CFAP43: variants seen among roughly 807,000 people sequenced by gnomAD.
The protein encoded by CFAP43 is cilia and flagella associated protein 43.
In CFAP43, 155 loss-of-function variants were observed where a neutral mutation model predicts 218.9. The observed-to-expected ratio is 0.71, with a 90% CI of 0.62 to 0.81. CFAP43 has a LOEUF of 0.81. Among genes scored for constraint, CFAP43 ranks in the 30% least tolerant of loss-of-function variants. The probability of loss-of-function intolerance (pLI) is 0.00; values close to 1 mark genes in which losing one functional copy is unlikely to be tolerated. For synonymous variants in CFAP43, 645 were observed against 681.3 expected (o/e 0.95, Z 0.83); for missense variants, 1,778 against 1,954.3 (o/e 0.91, Z 1.70).
intron 35 of CFAP43, chr10:104,132,475 G>A (rs977289020): frequency 2.8e-5 from 7 of 247,542 alleles, no homozygotes; most frequent in African/African-American, 1.4e-4. Context: ...TTAGTTGGGC[G>A]TGGTGGCACA....
chr10:104,133,827 A>T (rs377653574), intron 34 of CFAP43, 43 bp from the exon 35 acceptor site: 55 of 1,480,882 alleles, frequency 3.7e-5, no homozygotes, highest in Non-Finnish European at 4.7e-5. Context: ...ATGATTCTGC[A>T]TATAGAACAT....
intron 34 of CFAP43, among the ~76,000 whole-genome samples, chr10:104,136,258 C>CAAAAAAAAAAAAAAAAAAAAA (rs368792618): frequency 1.2e-5 from 1 of 86,004 alleles, no homozygotes; most frequent in African/African-American, 5.4e-5. Flanking sequence ...TTCTCCATTT[C>CAAAAAAAAAAAAAAAAAAAAA]AAAAAAAAAA....
intron 20 of CFAP43, among the ~76,000 whole-genome samples, chr10:104,171,601 T>C (rs368415470): frequency 5.0e-4 from 76 of 152,368 alleles, no homozygotes; most frequent in African/African-American, 1.8e-3. Context: ...CCTGTGTTTT[T>C]ATATTTGCAC....
chr10:104,212,535 T>G (rs1451062072), intron 4 of CFAP43, among the ~76,000 whole-genome samples: 1 of 152,198 alleles, frequency 6.6e-6, no homozygotes, highest in South Asian at 2.1e-4. Context: ...TGTTGACATG[T>G]GAGAATTTTG....
At chr10:104,199,039 A>AAAATGTG (rs2090458018) in intron 8 of CFAP43, among the ~76,000 whole-genome samples, 1 of 152,264 alleles carries the variant, frequency 6.6e-6, no homozygotes, top group South Asian at 2.1e-4. Flanking sequence ...GAAAATTTGG[A>AAAATGTG]AAATGTGTAA....
intron 19 of CFAP43, among the ~76,000 whole-genome samples, chr10:104,173,016 T>C (rs2089472405): frequency 2.0e-5 from 3 of 152,150 alleles, no homozygotes; most frequent in Non-Finnish European, 2.9e-5. Flanking sequence ...TGAACTTCTA[T>C]ACAATAAAAA....
rs41291844 is a variant in CFAP43 at position 104,207,815 on chromosome 10, C to A, written c.745G>T (p.Asp249Tyr). 2.9e-3 allele frequency: 4,743 copies of A among 1,610,538 alleles called. 15 individuals are homozygous for A. The highest frequency in any genetic ancestry group is 3.9e-3 in the Non-Finnish European group (4,569 of 1,178,940). ...GTCGGGTGAAGCAAAGGATATAGAT[C>A]ATCTTTCGGCTTCAGGGAGAGAATA... ...KEAETFRPKD[D>Y]LYPLLHPTMH... The change falls in exon 6 of 38, where the codon GAT becomes TAT. Residue 249 changes from aspartate to tyrosine, a missense_variant. Transcript: ENST00000357060.
intron 7 of CFAP43, among the ~76,000 whole-genome samples, chr10:104,204,142 T>C (rs969501920): frequency 6.6e-6 from 1 of 152,200 alleles, no homozygotes; most frequent in Non-Finnish European, 1.5e-5. Flanking sequence ...GTGGCTTGTG[T>C]ATAGCAGTTT....
intron 27 of CFAP43, among the ~76,000 whole-genome samples, chr10:104,154,995 G>C (rs970356327): frequency 1.3e-5 from 2 of 152,136 alleles, no homozygotes; most frequent in East Asian, 1.9e-4. Flanking sequence ...CACCTGTAAG[G>C]GGGTGAGGGA....
At chr10:104,174,478 A>G (rs889213405) in intron 19 of CFAP43, among the ~76,000 whole-genome samples, 3 of 152,206 alleles carry the variant, frequency 2.0e-5, no homozygotes, top group Admixed American at 1.3e-4. Context: ...CCATGATTCA[A>G]TTATCTCCCA....
At chr10:104,165,996 C>T (rs866477114) in intron 23 of CFAP43, among the ~76,000 whole-genome samples, 13 of 152,278 alleles carry the variant, frequency 8.5e-5, no homozygotes, top group African/African-American at 2.4e-4. Context: ...AATGGTCGAA[C>T]GCAACTCTTG....
chr10:104,229,017 A>G (rs1392009565), intron 2 of CFAP43, among the ~76,000 whole-genome samples: 1 of 152,182 alleles, frequency 6.6e-6, no homozygotes, highest in Non-Finnish European at 1.5e-5. Flanking sequence ...GTTTGAACTA[A>G]CTTTCAATTG....
chr10:104,193,742 A>T, intron 11 of CFAP43, 124 bp downstream of exon 11: 1 of 1,294,096 alleles, frequency 7.7e-7, no homozygotes, highest in Non-Finnish European at 1.0e-6. Context: ...AACTGTGTGA[A>T]TATATTAACA....
rs965948313 is a variant in CFAP43 at position 104,220,114 on chromosome 10, G to C, written c.416+5347C>G. ...AACATTTGGAGACAGACACACACAGGGAGAATGCCATGTGAAAATAAAAGC... is the reference window on the plus strand; with the variant it reads ...AACATTTGGAGACAGACACACACAGCGAGAATGCCATGTGAAAATAAAAGC... On this transcript the variant is annotated intron_variant, in intron 3 of 37. Transcript: ENST00000357060. Among the ~76,000 whole-genome samples, 4 of 152,306 alleles carry C rather than the reference G, an allele frequency of 2.6e-5. No homozygotes were observed. The East Asian group carries it at 7.7e-4, about 29-fold the overall frequency.
chr10:104,177,536 C>A (rs895654163), intron 19 of CFAP43, among the ~76,000 whole-genome samples: 1 of 152,106 alleles, frequency 6.6e-6, no homozygotes, highest in Admixed American at 6.5e-5. Context: ...CCTGCTGATG[C>A]TACTTATTGC....
chr10:104,191,524 G>T (rs764116947), intron 12 of CFAP43, among the ~76,000 whole-genome samples: 22 of 151,836 alleles, frequency 1.4e-4, no homozygotes, highest in Non-Finnish European at 2.4e-4. Context: ...CTCACACTTG[G>T]CAGAATGAAT....
chr10:104,212,468 G>C (rs908079276), intron 4 of CFAP43, among the ~76,000 whole-genome samples: 13 of 152,170 alleles, frequency 8.5e-5, no homozygotes, highest in Non-Finnish European at 1.8e-4. Flanking sequence ...TGGAAAATGG[G>C]AAAATATTTG....
chr10:104,167,353 T>C (rs1014210376), intron 22 of CFAP43, among the ~76,000 whole-genome samples: 1 of 152,174 alleles, frequency 6.6e-6, no homozygotes, highest in Admixed American at 6.5e-5. Flanking sequence ...CTGTGCAGGA[T>C]AAGAGCAGAA....
intron 30 of CFAP43, among the ~76,000 whole-genome samples, 172 bp from the exon 31 acceptor site, chr10:104,145,736 T>G (rs2087933528): frequency 6.6e-6 from 1 of 152,216 alleles, no homozygotes; most frequent in African/African-American, 2.4e-5. Context: ...GTCTCAAAGA[T>G]TTGTTTTGAT....
Sources: gnomAD v4.1 joint callset for allele counts (sites outside exome capture counted in the v4.1 genomes callset) on GRCh38, gnomAD v4.1.1 for gene constraint, MANE v1.5 for transcripts, NCBI Gene and HGNC (gene_info 2026-07-23, HGNC 2026-07-21) for gene names.